TEKTL1: variants seen among roughly 807,000 people sequenced by gnomAD.
TEKTL1 encodes the protein tektin-like protein 1.
At chr19:15,016,240 A>G in the TEKTL1 span, among the ~76,000 whole-genome samples, 1 of 129,858 alleles carries the variant, frequency 7.7e-6, no homozygotes, top group Admixed American at 9.4e-5. Context: ...GCTGGAGTGC[A>G]GTGGCGTGGC....
the TEKTL1 span, among the ~76,000 whole-genome samples, chr19:15,014,743 G>T: frequency 7.7e-6 from 1 of 130,512 alleles, no homozygotes; most frequent in East Asian, 2.4e-4. Flanking sequence ...GGGGGCGGGG[G>T]CTGCTGAAAC....
chr19:15,014,730 G>C, the TEKTL1 span, among the ~76,000 whole-genome samples: 15 of 125,210 alleles, frequency 1.2e-4, 1 homozygote, highest in South Asian at 4.9e-3. Context: ...CAGTGGGGGG[G>C]CGGGGGGCGG....
chr19:15,013,024 T>TCC, the TEKTL1 span, among the ~76,000 whole-genome samples: 1 of 151,896 alleles, frequency 6.6e-6, no homozygotes, highest in African/African-American at 2.4e-5. Context: ...GAAGAAGTCC[T>TCC]CCCTACAGAG....
the TEKTL1 span, among the ~76,000 whole-genome samples, chr19:15,013,343 G>A: frequency 1.1e-4 from 16 of 152,106 alleles, no homozygotes; most frequent in African/African-American, 2.7e-4. Flanking sequence ...ACTGAGGAAG[G>A]GGTGCCCAGC....
the TEKTL1 span, among the ~76,000 whole-genome samples, chr19:15,016,071 G>T: frequency 6.6e-6 from 1 of 152,106 alleles, no homozygotes. Flanking sequence ...GTGTTGACTG[G>T]GGGGTGGGGA....
At chr19:15,014,482 G>A in the TEKTL1 span, among the ~76,000 whole-genome samples, 6 of 151,950 alleles carry the variant, frequency 3.9e-5, no homozygotes, top group Admixed American at 1.3e-4. Flanking sequence ...CTGGGAACTT[G>A]TTTTATTTCC....
At chr19:15,015,935 A>G in the TEKTL1 span, among the ~76,000 whole-genome samples, 5 of 152,194 alleles carry the variant, frequency 3.3e-5, no homozygotes, top group Non-Finnish European at 5.9e-5. Context: ...TCTTATCTGC[A>G]TATGTCAACT....
chr19:15,022,759 T>G, the TEKTL1 span: 7 of 1,083,148 alleles, frequency 6.5e-6, no homozygotes, highest in Non-Finnish European at 6.4e-6. Flanking sequence ...CCCATTCAGA[T>G]GTGTTCCCCT....
chr19:15,018,715 A>AAAATATATATATATATATAT, the TEKTL1 span, among the ~76,000 whole-genome samples: 1 of 68,252 alleles, frequency 1.5e-5, no homozygotes, highest in African/African-American at 4.2e-5. Context: ...CCTATCTCAA[A>AAAATATATATATATATATAT]ATATGTATAT....
chr19:15,018,094 C>A, the TEKTL1 span, among the ~76,000 whole-genome samples: 1 of 152,016 alleles, frequency 6.6e-6, no homozygotes, highest in Non-Finnish European at 1.5e-5. Context: ...CAGAACCAAT[C>A]CATATCCCAG....
At chr19:15,014,765 T>C in the TEKTL1 span, among the ~76,000 whole-genome samples, 2 of 144,748 alleles carry the variant, frequency 1.4e-5, no homozygotes, top group Non-Finnish European at 3.0e-5. Flanking sequence ...CTGTCCGTGG[T>C]GCTGAATCGG....
the TEKTL1 span, chr19:15,011,396 G>A: frequency 7.0e-7 from 1 of 1,422,852 alleles, no homozygotes; most frequent in Admixed American, 3.3e-5. Flanking sequence ...GTCTGAGAAG[G>A]TGGGACCCTC....
At chr19:15,021,208 AT>A in the TEKTL1 span, 1 of 976,132 alleles carries the variant, frequency 1.0e-6, no homozygotes, top group Non-Finnish European at 1.5e-6. Flanking sequence ...TTCTTACACT[AT>A]CCCCCGCGCC....
the TEKTL1 span, chr19:15,021,765 G>A: frequency 2.2e-5 from 36 of 1,612,040 alleles, no homozygotes; most frequent in Non-Finnish European, 3.1e-5. Flanking sequence ...CCGGTGGCTG[G>A]AGGCTGGGTT....
At chr19:15,010,789 A>G in the TEKTL1 span, 3 of 1,492,470 alleles carry the variant, frequency 2.0e-6, no homozygotes, top group Non-Finnish European at 2.7e-6. Context: ...CGCTCCGCCT[A>G]GGGTTCCCGG....
At chr19:15,023,150 G>A in the TEKTL1 span, 1 of 1,543,208 alleles carries the variant, frequency 6.5e-7, no homozygotes, top group East Asian at 2.3e-5. Flanking sequence ...CCAGCCAGCT[G>A]ATTGGATGCT....
the TEKTL1 span, chr19:15,022,952 T>TG: frequency 1.9e-6 from 3 of 1,612,964 alleles, no homozygotes; most frequent in Middle Eastern, 1.6e-4. Context: ...GAACCTCAGC[T>TG]GGGGCCTCAA....
At chr19:15,016,515 C>A in the TEKTL1 span, among the ~76,000 whole-genome samples, 1 of 152,138 alleles carries the variant, frequency 6.6e-6, no homozygotes, top group Admixed American at 6.6e-5. Context: ...GTCACTGTAT[C>A]CCCACCACCT....
At chr19:15,011,795 CAAG>C in the TEKTL1 span, among the ~76,000 whole-genome samples, 2 of 150,890 alleles carry the variant, frequency 1.3e-5, no homozygotes, top group Middle Eastern at 3.4e-3. Context: ...AATAAGGGCA[CAAG>C]AAGATGAGGG....
Sources: gnomAD v4.1 joint callset for allele counts (sites outside exome capture counted in the v4.1 genomes callset) on GRCh38, gnomAD v4.1.1 for gene constraint, MANE v1.5 for transcripts, NCBI Gene and HGNC (gene_info 2026-07-23, HGNC 2026-07-21) for gene names.